Variants in RERG observed in about 807,000 individuals in gnomAD.
The protein encoded by RERG is RAS like estrogen regulated growth inhibitor, also known as ras-related and estrogen-regulated growth inhibitor.
A neutral mutation model predicts 23.2 loss-of-function variants in RERG; 25 were observed. That is an observed-to-expected ratio of 1.08 (90% CI 0.79 to 1.50). The LOEUF is 1.50. Ranked by LOEUF, RERG falls within the 40% of genes most tolerant of loss-of-function variation. RERG has a pLI of 0.00. For synonymous variants in RERG, 81 were observed against 89.1 expected (o/e 0.91, Z 0.51); for missense variants, 253 against 250.1 (o/e 1.01, Z -0.08).
intron 2 of RERG, among the ~76,000 whole-genome samples, chr12:15,134,293 G>A (rs1317105566): frequency 6.6e-6 from 1 of 151,950 alleles, no homozygotes; most frequent in Non-Finnish European, 1.5e-5. Flanking sequence ...TCTATATCCA[G>A]GTTCATTTTT....
intron 3 of RERG, among the ~76,000 whole-genome samples, chr12:15,112,157 T>C (rs1043155209): frequency 5.1e-4 from 77 of 152,322 alleles, no homozygotes; most frequent in African/African-American, 1.8e-3. Flanking sequence ...CAAGATAACA[T>C]ACCAACAGAA....
At chr12:15,124,845 G>T (rs1863908221) in intron 2 of RERG, among the ~76,000 whole-genome samples, 2 of 151,556 alleles carry the variant, frequency 1.3e-5, no homozygotes, top group Non-Finnish European at 3.0e-5. Flanking sequence ...TTTTTTTTTG[G>T]TTAGGAAAAG....
chr12:15,173,192 TCA>T (rs1591657683), intron 2 of RERG, among the ~76,000 whole-genome samples: 1 of 152,146 alleles, frequency 6.6e-6, no homozygotes, highest in East Asian at 1.9e-4. Context: ...TCTTTTGCAT[TCA>T]GTTATCCCAG....
At chr12:15,171,044 A>G (rs1397693927) in intron 2 of RERG, among the ~76,000 whole-genome samples, 1 of 152,176 alleles carries the variant, frequency 6.6e-6, no homozygotes, top group African/African-American at 2.4e-5. Context: ...TTATCACTGT[A>G]GTAACATGAA....
At chr12:15,217,336 C>A in intron 2 of RERG, 93 bp downstream of exon 2, 4 of 812,954 alleles carry the variant, frequency 4.9e-6, no homozygotes, top group Non-Finnish European at 6.4e-6. Flanking sequence ...AGGAGGAATA[C>A]CAACTACTCA....
chr12:15,126,724 C>CTTTTTTTTTTTTTTTTTTTTTTTTTT, intron 2 of RERG, among the ~76,000 whole-genome samples: 1 of 132,466 alleles, frequency 7.5e-6, no homozygotes, highest in Non-Finnish European at 1.6e-5. Flanking sequence ...CTTTTTCTTT[C>CTTTTTTTTTTTTTTTTTTTTTTTTTT]TTTTTTTTTT....
At chr12:15,178,705 T>C (rs2136127370) in intron 2 of RERG, among the ~76,000 whole-genome samples, 1 of 152,286 alleles carries the variant, frequency 6.6e-6, no homozygotes, top group South Asian at 2.1e-4. Context: ...AAAGGAGAGT[T>C]TGACTCCTAC....
At chr12:15,202,126 A>T (rs535223406) in intron 2 of RERG, among the ~76,000 whole-genome samples, 1 of 151,936 alleles carries the variant, frequency 6.6e-6, no homozygotes, top group East Asian at 1.9e-4. Flanking sequence ...TATAATTAAT[A>T]GGTGAAAAAA....
chr12:15,125,355 A>G (rs895691993), intron 2 of RERG, among the ~76,000 whole-genome samples: 1 of 152,084 alleles, frequency 6.6e-6, no homozygotes, highest in Non-Finnish European at 1.5e-5. Context: ...AAAGTTAGAA[A>G]TGTTAAAGCT....
At chr12:15,207,740 A>G (rs1865311689) in intron 2 of RERG, among the ~76,000 whole-genome samples, 1 of 149,506 alleles carries the variant, frequency 6.7e-6, no homozygotes, top group African/African-American at 2.6e-5. Flanking sequence ...TAGCTAGACT[A>G]TAGAAGAAGA....
At chr12:15,119,710 C>T (rs1278215894) in intron 3 of RERG, among the ~76,000 whole-genome samples, 2 of 151,932 alleles carry the variant, frequency 1.3e-5, no homozygotes, top group Non-Finnish European at 2.9e-5. Context: ...AAAGCAAAAA[C>T]AGAAGAATAA....
rs185133430 is a variant in RERG at position 15,208,183 on chromosome 12, C to A, written c.61+9246G>T. On this transcript the variant is annotated intron_variant, in intron 2 of 4. Coordinates refer to ENST00000256953, the MANE Select transcript of RERG (RefSeq NM_032918.3). ...CCTGCCTGAGTTTCCACCCTGCCAA[C>A]CTTACAGATTTCAGTCTTGCCAGCT... is the stretch of plus-strand genomic sequence containing the variant. 4.6e-5 allele frequency among the ~76,000 whole-genome samples: 7 copies of A among 152,254 alleles called. No individual in the cohort carries two copies. The East Asian group carries it at 1.4e-3, about 29-fold the overall frequency.
rs774071720 is a variant in RERG, at chr12:15,112,621, G to A, written c.119-1204C>T. Reference sequence around the variant, plus strand: ...ACTAGAACAACAGAAATAAAGAACCGAATGAATGAATGATTGACCTGATGA... The same window carrying A: ...ACTAGAACAACAGAAATAAAGAACCAAATGAATGAATGATTGACCTGATGA... On this transcript the variant is annotated intron_variant, in intron 3 of 4. Coordinates refer to ENST00000256953, the MANE Select transcript of RERG (RefSeq NM_032918.3). Among the ~76,000 whole-genome samples, 74 of 152,136 alleles carry A rather than the reference G, an allele frequency of 4.9e-4. 1 individual carries two copies. Among genetic ancestry groups the A allele is most frequent in the Non-Finnish European group, 5.0e-4 (34 of 68,036 alleles).
At chr12:15,209,505 A>C (rs1865337898) in intron 2 of RERG, among the ~76,000 whole-genome samples, 1 of 151,610 alleles carries the variant, frequency 6.6e-6, no homozygotes, top group African/African-American at 2.4e-5. Flanking sequence ...AAGATGATTC[A>C]TCAGTTTTTT....
At chr12:15,208,886 G>A (rs529276745) in intron 2 of RERG, among the ~76,000 whole-genome samples, 1 of 151,968 alleles carries the variant, frequency 6.6e-6, no homozygotes, top group African/African-American at 2.4e-5. Flanking sequence ...TAAGGCGTAA[G>A]TCTAAGTTAT....
chr12:15,167,270 T>A (rs533253324), intron 2 of RERG, among the ~76,000 whole-genome samples: 11 of 152,162 alleles, frequency 7.2e-5, no homozygotes, highest in Non-Finnish European at 1.5e-4. Flanking sequence ...GGCTCTAGAC[T>A]GGCCCTCCCT....
At chr12:15,165,549 T>C (rs1360818446) in intron 2 of RERG, among the ~76,000 whole-genome samples, 2 of 152,194 alleles carry the variant, frequency 1.3e-5, no homozygotes, top group Admixed American at 1.3e-4. Context: ...TTAGGTGGTA[T>C]GGGTGGTGGT....
intron 2 of RERG, among the ~76,000 whole-genome samples, chr12:15,187,481 C>G (rs898290668): frequency 6.6e-6 from 1 of 152,044 alleles, no homozygotes; most frequent in African/African-American, 2.4e-5. Flanking sequence ...CAGCTACAAA[C>G]ATGAATTAAG....
chr12:15,217,409 A>C lies in RERG; in HGVS notation c.61+20T>G, dbSNP rs748945270. 6.3e-7 allele frequency: 1 copy of C among 1,578,430 alleles called. No individual in the cohort carries two copies. The highest frequency in any genetic ancestry group is 8.7e-7 in the Non-Finnish European group (1 of 1,147,432). On this transcript the variant is annotated intron_variant, in intron 2 of 4. Transcript: ENST00000256953. ...CTCACCCACACACACACACTATAACAACCACAACGAAAATCTTACCTGACT... is the reference window on the plus strand; with the variant it reads ...CTCACCCACACACACACACTATAACCACCACAACGAAAATCTTACCTGACT...
Sources: allele counts gnomAD v4.1 joint callset (sites outside exome capture counted in the v4.1 genomes callset), GRCh38; gene constraint gnomAD v4.1.1; transcripts MANE v1.5; gene names NCBI Gene and HGNC (gene_info 2026-07-23, HGNC 2026-07-21).